The following TRIP4 variants were observed in gnomAD, a reference collection of about 807,000 sequenced individuals.
The protein encoded by TRIP4 is thyroid hormone receptor interactor 4.
Under a neutral mutation model 81.8 loss-of-function variants are expected in TRIP4, and 54 were observed. The ratio of observed to expected loss-of-function variants is 0.66; its 90% CI spans 0.53 to 0.83. The LOEUF is 0.83. Among genes scored for constraint, TRIP4 ranks in the 40% least tolerant of loss-of-function variants. The pLI is 0.00. For missense variants in TRIP4, 662 were observed against 683.6 expected (o/e 0.97, Z 0.35); for synonymous variants, 270 against 242.8 (o/e 1.11, Z -1.04).
intron 5 of TRIP4, among the ~76,000 whole-genome samples, chr15:64,401,228 G>A (rs1489229477): frequency 1.3e-5 from 2 of 151,466 alleles, no homozygotes; most frequent in Non-Finnish European, 2.9e-5. Flanking sequence ...TCTGCCTTCT[G>A]GGTTCAAGCA....
In TRIP4 at chr15:64,412,196, T is replaced by C. The variant is rs549665863; in HGVS notation, c.1044-1889T>C. Among the ~76,000 whole-genome samples the C allele has an allele frequency of 4.6e-5, 7 of 152,320 alleles. No homozygotes were observed. The Middle Eastern group carries it at 0.01, about 222-fold the overall frequency. ...TTCATTTGCTTTTTTACTATTTCTTTTATAGAGATTCTAGAGTTCTGGATA... is the reference window on the plus strand; with the variant it reads ...TTCATTTGCTTTTTTACTATTTCTTCTATAGAGATTCTAGAGTTCTGGATA... On this transcript the variant is annotated intron_variant, in intron 7 of 12. Coordinates refer to ENST00000261884, the MANE Select transcript of TRIP4 (RefSeq NM_016213.5).
chr15:64,444,946 TCTC>T lies in TRIP4; in HGVS notation c.1576-57_1576-55del, dbSNP rs909375463. On this transcript the variant is annotated intron_variant, in intron 11 of 12. Coordinates refer to ENST00000261884, the MANE Select transcript of TRIP4 (RefSeq NM_016213.5). Reference sequence around the variant, plus strand: ...AGGTGAAATCTGGGACATCTTCTGTTCTCCTTAAATTCAAAGCTTGTCCCAACT... The same window carrying T: ...AGGTGAAATCTGGGACATCTTCTGTTCTTAAATTCAAAGCTTGTCCCAACT... 4.4e-5 allele frequency: 39 copies of T among 883,470 alleles called. No homozygotes were observed. The African/African-American group carries it at 5.7e-4, about 13-fold the overall frequency. 54.7% of individuals were successfully genotyped at this position (883,470 alleles called of 1,614,324 possible).
intron 11 of TRIP4, among the ~76,000 whole-genome samples, chr15:64,431,847 A>ATATATATATATATATATATATATTTTTT: frequency 4.2e-5 from 5 of 119,548 alleles, no homozygotes; most frequent in African/African-American, 1.6e-4. Flanking sequence ...ATATATATAT[A>ATATATATATATATATATATATATTTTTT]TTTTTTTTAT....
intron 12 of TRIP4, among the ~76,000 whole-genome samples, chr15:64,450,008 A>G (rs942528256): frequency 6.6e-6 from 1 of 152,202 alleles, no homozygotes; most frequent in Middle Eastern, 3.2e-3. Context: ...ATGTAAAAAT[A>G]TTGGGGAAAT....
Position 64,431,847 on chromosome 15 carries a change from A to ATATATATAT in TRIP4, c.1575+6217_1575+6218insATATATATT. Among the ~76,000 whole-genome samples the ATATATATAT allele has an allele frequency of 5.9e-5, 7 of 119,554 alleles. No individual in the cohort carries two copies. The South Asian group carries it at 1.2e-3, about 21-fold the overall frequency. The allele number at this position is 119,554 out of a possible 152,430, so 78.4% of individuals were successfully genotyped here. A position where few individuals can be genotyped will look rare whatever the true frequency, so the allele number is the denominator to read the frequency against. On this transcript the variant is annotated intron_variant, in intron 11 of 12. Coordinates refer to ENST00000261884, the MANE Select transcript of TRIP4 (RefSeq NM_016213.5). ...CCATTTATATTATATATATATATAT[A>ATATATATAT]TTTTTTTTATCCAAAGAGCATTGTG...
In TRIP4 at chr15:64,439,067, C is replaced by T. The variant is rs1057346574; in HGVS notation, c.1576-5939C>T. 2.6e-5 allele frequency among the ~76,000 whole-genome samples: 4 copies of T among 152,150 alleles called. No individual in the cohort carries two copies. The East Asian group carries it at 7.7e-4, about 29-fold the overall frequency. On this transcript the variant is annotated intron_variant, in intron 11 of 12. Coordinates refer to ENST00000261884, the MANE Select transcript of TRIP4 (RefSeq NM_016213.5). The stretch of plus-strand genomic sequence containing the variant: ...CCCACTTTGGGCCAAGTGGTATGAT[C>T]TTTATTCAACCCTAGTCAAATATTC...
At chr15:64,397,458 C>A in intron 3 of TRIP4, 148 bp from the exon 4 acceptor site, 1 of 754,684 alleles carries the variant, frequency 1.3e-6, no homozygotes, top group Non-Finnish European at 2.1e-6. Flanking sequence ...TTGATTATAA[C>A]TAATTTGTAT....
At chr15:64,404,322 TTTTA>T (rs1038504418) in intron 5 of TRIP4, among the ~76,000 whole-genome samples, 7 of 152,092 alleles carry the variant, frequency 4.6e-5, no homozygotes, top group African/African-American at 1.7e-4. Flanking sequence ...TTATTTTTAT[TTTTA>T]TTTATTTATT....
rs1433486316 is a variant in TRIP4, at chr15:64,397,705, C to G, written c.505C>G (p.His169Asp). 20 of 1,614,246 alleles carry G rather than the reference C, an allele frequency of 1.2e-5. No individual in the cohort carries two copies. Among genetic ancestry groups the G allele is most frequent in the Non-Finnish European group, 1.6e-5 (19 of 1,180,040 alleles). Residue 169 changes from histidine to aspartate, a missense_variant, in exon 4 of 13, where the codon CAC becomes GAC. His to Asp is a moderately conservative substitution (Grantham distance 81). Transcript: ENST00000261884. ...GCTTGCAGTCCTGCTCCCTGGTCGT[C>G]ACCCTTGTGATTGCCTGGGCCAGAA... ...DRLAVLLPGR[H>D]PCDCLGQKHK...
chr15:64,448,835 AC>A (rs1775075419), intron 12 of TRIP4, among the ~76,000 whole-genome samples: 1 of 152,136 alleles, frequency 6.6e-6, no homozygotes, highest in African/African-American at 2.4e-5. Context: ...GAAAATACAT[AC>A]CTGCCTCTTA....
chr15:64,402,372 G>A (rs932796060), intron 5 of TRIP4, among the ~76,000 whole-genome samples: 6 of 151,634 alleles, frequency 4.0e-5, no homozygotes, highest in Admixed American at 6.6e-5. Context: ...ACAGGCATGC[G>A]TCACCACCCT....
intron 11 of TRIP4, among the ~76,000 whole-genome samples, chr15:64,430,996 A>G (rs951991729): frequency 6.6e-6 from 1 of 152,154 alleles, no homozygotes; most frequent in Non-Finnish European, 1.5e-5. Flanking sequence ...TAAAAAAAAA[A>G]GAGTATCCAA....
At chr15:64,414,011 A>G in intron 7 of TRIP4, 74 bp from the exon 8 acceptor site, 1 of 1,549,302 alleles carries the variant, frequency 6.5e-7, no homozygotes, top group South Asian at 1.2e-5. Flanking sequence ...CTATTAAAGC[A>G]TTTTATGTTG....
chr15:64,409,597 G>C lies in TRIP4; in HGVS notation c.828-16G>C, dbSNP rs139813074. ...TCAACAGATGACCTAATTACCATGT[G>C]TTCCCTTTTTCTCAGTATTCGAAGG... On this transcript the variant is annotated splice_polypyrimidine_tract_variant and intron_variant, in intron 6 of 12. Coordinates refer to ENST00000261884, the MANE Select transcript of TRIP4 (RefSeq NM_016213.5). 2,116 of 1,611,844 alleles carry C rather than the reference G, an allele frequency of 1.3e-3. 25 individuals are homozygous for C. The African/African-American group carries it at 0.025, about 19-fold the overall frequency.
At position 64,395,496 on chromosome 15, in the gene TRIP4, A is replaced by G; in HGVS notation, c.370A>G (p.Thr124Ala). The change falls in exon 3 of 13, where the codon ACT becomes GCT. Residue 124 changes from threonine (T) to alanine (A), a missense_variant. By Grantham distance (58) the Thr-to-Ala change is moderately conservative. Coordinates refer to ENST00000261884, the MANE Select transcript of TRIP4 (RefSeq NM_016213.5). ...TCCTGCATTTACTGAACCTGACACG[A>G]CTGCAGAGGTTAAAACACCTTTTGA... ...EVPAFTEPDT[T>A]AEVKTPFDLA... 1.9e-6 allele frequency: 3 copies of G among 1,613,838 alleles called. No individual in the cohort carries two copies. The South Asian group carries it at 3.3e-5, about 18-fold the overall frequency.
intron 12 of TRIP4, among the ~76,000 whole-genome samples, chr15:64,447,780 T>C (rs1892666036): frequency 1.3e-5 from 2 of 152,216 alleles, no homozygotes; most frequent in Non-Finnish European, 2.9e-5. Flanking sequence ...TGTGCAATTA[T>C]GGCTCATTGC....
intron 11 of TRIP4, among the ~76,000 whole-genome samples, chr15:64,436,500 A>C (rs1295283239): frequency 6.6e-6 from 1 of 151,682 alleles, no homozygotes; most frequent in Non-Finnish European, 1.5e-5. Flanking sequence ...GCTGAGGCAG[A>C]GAATCACTTG....
At chr15:64,410,254 G>T (rs1891731558) in intron 7 of TRIP4, among the ~76,000 whole-genome samples, 1 of 152,070 alleles carries the variant, frequency 6.6e-6, no homozygotes, top group Admixed American at 6.6e-5. Context: ...TCAAACTACT[G>T]ACCTCAAGTG....
intron 11 of TRIP4, among the ~76,000 whole-genome samples, chr15:64,444,078 G>C (rs1441662164): frequency 6.6e-6 from 1 of 152,158 alleles, no homozygotes; most frequent in Non-Finnish European, 1.5e-5. Flanking sequence ...ACTTTTAGTG[G>C]CTTAGACTTT....
Sources: allele counts gnomAD v4.1 joint callset (sites outside exome capture counted in the v4.1 genomes callset), GRCh38; gene constraint gnomAD v4.1.1; transcripts MANE v1.5; gene names NCBI Gene and HGNC (gene_info 2026-07-23, HGNC 2026-07-21).